Variants in LAMA2 observed in about 807,000 individuals in gnomAD.
LAMA2 encodes the protein laminin subunit alpha-2.
In LAMA2, 269 loss-of-function variants were observed where a neutral mutation model predicts 364.8. The ratio of observed to expected loss-of-function variants is 0.74; its 90% CI spans 0.67 to 0.82. The LOEUF (loss-of-function observed/expected upper bound fraction) is 0.82, where lower values mean the gene tolerates loss of function less well. Among genes scored for constraint, LAMA2 ranks in the 40% least tolerant of loss-of-function variants. The pLI, the probability that LAMA2 is intolerant of heterozygous loss-of-function variation, is 0.00. For missense variants in LAMA2, 3,807 were observed against 3,873.2 expected, an observed-to-expected ratio of 0.98 and a Z score of 0.45; for synonymous variants, 1,379 against 1,370.6, an observed-to-expected ratio of 1.01 and a Z score of -0.14.
chr6:129,156,107 G>T (rs1388882818), intron 8 of LAMA2, among the ~76,000 whole-genome samples: 1 of 151,368 alleles, frequency 6.6e-6, no homozygotes, highest in East Asian at 1.9e-4. Context: ...CAAAAAAATT[G>T]ATAATTATGT....
At chr6:129,224,823 T>G (rs113009965) in intron 12 of LAMA2, among the ~76,000 whole-genome samples, 154 of 152,294 alleles carry the variant, frequency 1.0e-3, no homozygotes, top group African/African-American at 3.4e-3. Flanking sequence ...GCCAGGCTTT[T>G]GTATCAGGAG....
At chr6:129,129,795 G>A (rs1215426342) in intron 4 of LAMA2, among the ~76,000 whole-genome samples, 1 of 150,286 alleles carries the variant, frequency 6.7e-6, no homozygotes, top group South Asian at 2.1e-4. Flanking sequence ...GTAGTGGCGG[G>A]CGCCTGTAGT....
chr6:129,505,694 G>A (rs1786006460), intron 61 of LAMA2, among the ~76,000 whole-genome samples: 1 of 151,980 alleles, frequency 6.6e-6, no homozygotes, highest in South Asian at 2.1e-4. Context: ...ACTTTTAATA[G>A]AGACGGGGTG....
intron 1 of LAMA2, among the ~76,000 whole-genome samples, chr6:128,896,993 A>G (rs77236430): frequency 0.025 from 3,810 of 152,338 alleles, 57 homozygotes; most frequent in Middle Eastern, 0.044. Flanking sequence ...AATTTATCAA[A>G]GGTAGATGCT....
chr6:129,224,770 A>T (rs556930929), intron 12 of LAMA2, among the ~76,000 whole-genome samples: 1 of 152,156 alleles, frequency 6.6e-6, no homozygotes, highest in Non-Finnish European at 1.5e-5. Context: ...ATTGATGTTC[A>T]TCAGGGATAT....
intron 3 of LAMA2, among the ~76,000 whole-genome samples, chr6:129,095,559 A>G (rs1042667315): frequency 3.3e-5 from 5 of 152,126 alleles, no homozygotes; most frequent in African/African-American, 1.2e-4. Context: ...AAATTAAATG[A>G]GAGCTGGCAG....
intron 12 of LAMA2, among the ~76,000 whole-genome samples, chr6:129,235,203 G>T (rs933295048): frequency 6.6e-6 from 1 of 152,098 alleles, no homozygotes; most frequent in Admixed American, 6.6e-5. Context: ...TAAACATTAG[G>T]TATTTCAGTA....
chr6:129,232,439 A>G (rs1165423672), intron 12 of LAMA2, among the ~76,000 whole-genome samples: 2 of 152,134 alleles, frequency 1.3e-5, no homozygotes, highest in Admixed American at 1.3e-4. Context: ...AACTCCTATT[A>G]ATTTCTGAAG....
At chr6:128,968,195 G>A (rs2114610965) in intron 1 of LAMA2, among the ~76,000 whole-genome samples, 1 of 152,300 alleles carries the variant, frequency 6.6e-6, no homozygotes, top group East Asian at 1.9e-4. Context: ...CAATTAAGCT[G>A]TAGATGTACT....
At chr6:129,362,468 C>T (rs899951082) in intron 32 of LAMA2, among the ~76,000 whole-genome samples, 2 of 152,146 alleles carry the variant, frequency 1.3e-5, no homozygotes, top group Non-Finnish European at 2.9e-5. Flanking sequence ...GATCTTCTCA[C>T]TATTTCATGT....
intron 14 of LAMA2, among the ~76,000 whole-genome samples, chr6:129,257,119 G>T (rs1028193599): frequency 2.0e-5 from 3 of 151,832 alleles, no homozygotes; most frequent in African/African-American, 4.8e-5. Context: ...GATAGCTCAT[G>T]CATCTCTAAA....
intron 45 of LAMA2, among the ~76,000 whole-genome samples, chr6:129,448,332 A>G (rs1016278753): frequency 5.3e-5 from 8 of 152,352 alleles, no homozygotes; most frequent in Non-Finnish European, 7.3e-5. Context: ...AGTAACGTTA[A>G]GAAAAAGTAA....
At chr6:129,286,172 G>A (rs1390296622) in intron 18 of LAMA2, among the ~76,000 whole-genome samples, 3 of 152,030 alleles carry the variant, frequency 2.0e-5, no homozygotes, top group Non-Finnish European at 2.9e-5. Context: ...TAAAAGTGGT[G>A]TACTACTGAG....
chr6:128,928,669 C>T (rs1366991882), intron 1 of LAMA2, among the ~76,000 whole-genome samples: 2 of 152,132 alleles, frequency 1.3e-5, no homozygotes, highest in African/African-American at 4.8e-5. Flanking sequence ...GTTAAAAAGT[C>T]TTTTATGCAA....
intron 7 of LAMA2, among the ~76,000 whole-genome samples, chr6:129,154,299 C>T (rs1230821740): frequency 6.6e-6 from 1 of 151,966 alleles, no homozygotes; most frequent in East Asian, 1.9e-4. Context: ...TTGTCCCCAG[C>T]TACTCGGGAG....
intron 1 of LAMA2, among the ~76,000 whole-genome samples, chr6:129,042,500 T>G (rs1787177185): frequency 6.6e-6 from 1 of 152,170 alleles, no homozygotes. Context: ...CTAATTTTTT[T>G]CAAGCTCAAA....
At chr6:129,199,215 A>G (rs922953445) in intron 12 of LAMA2, among the ~76,000 whole-genome samples, 16 of 152,208 alleles carry the variant, frequency 1.1e-4, no homozygotes, top group Admixed American at 2.0e-4. Context: ...AAACCAGTTT[A>G]AGTAATTGAC....
At chr6:129,444,329 A>C (rs1044245732) in intron 44 of LAMA2, among the ~76,000 whole-genome samples, 1 of 152,186 alleles carries the variant, frequency 6.6e-6, no homozygotes, top group African/African-American at 2.4e-5. Context: ...TCTAAATCTA[A>C]ATCATTTTGC....
At chr6:129,244,319 TA>T (rs976439705) in intron 12 of LAMA2, among the ~76,000 whole-genome samples, 5 of 152,082 alleles carry the variant, frequency 3.3e-5, no homozygotes, top group African/African-American at 1.2e-4. Flanking sequence ...GTTTCTATGA[TA>T]AAAGAGAGCT....
Sources: gnomAD v4.1 joint callset for allele counts (sites outside exome capture counted in the v4.1 genomes callset) on GRCh38, gnomAD v4.1.1 for gene constraint, MANE v1.5 for transcripts, NCBI Gene and HGNC (gene_info 2026-07-23, HGNC 2026-07-21) for gene names.